Variants in NTSR2 observed in about 807,000 individuals in gnomAD.
NTSR2 encodes neurotensin receptor 2.
NTSR2 carries 22 observed loss-of-function variants against 24.1 expected under a neutral mutation model. The ratio of observed to expected loss-of-function variants is 0.91; its 90% CI spans 0.65 to 1.30. The LOEUF (loss-of-function observed/expected upper bound fraction) is 1.30, where lower values mean the gene tolerates loss of function less well. Among genes scored for constraint, NTSR2 ranks in the 50% most tolerant of loss-of-function variants. The pLI, the probability that NTSR2 is intolerant of heterozygous loss-of-function variation, is 0.00. For synonymous variants in NTSR2, 291 were observed against 267.0 expected, an observed-to-expected ratio of 1.09 and a Z score of -0.88; for missense variants, 570 against 570.4, an observed-to-expected ratio of 1.00 and a Z score of 0.01.
At chr2:11,661,617 C>T (rs185124727) in intron 2 of NTSR2, among the ~76,000 whole-genome samples, 2 of 152,264 alleles carry the variant, frequency 1.3e-5, no homozygotes, top group Non-Finnish European at 2.9e-5. Context: ...TTTAGGTACC[C>T]AGCCCATCTG....
intron 1 of NTSR2, among the ~76,000 whole-genome samples, chr2:11,666,168 C>T (rs1661194495): frequency 1.3e-5 from 2 of 152,248 alleles, no homozygotes; most frequent in Non-Finnish European, 2.9e-5. Flanking sequence ...GAAGATCTCC[C>T]AGGCAAAGAG....
chr2:11,667,135 C>A lies in NTSR2; in HGVS notation c.624+2371G>T, dbSNP rs147362566. On this transcript the variant is annotated intron_variant, in intron 1 of 3. Transcript: ENST00000306928. ...TTTCTGAGTCTGGGAAGAGCAGGAG[C>A]GAGAGGGGCTCCTGGGAGCCCTGAG... Among the ~76,000 whole-genome samples the A allele has an allele frequency of 3.3e-4, 51 of 152,286 alleles. 1 individual carries two copies. The highest frequency in any genetic ancestry group is 4.3e-4 in the African/African-American group (18 of 41,562).
Position 11,658,626 on chromosome 2 carries a change from G to C in NTSR2, c.1086C>G (p.Ser362=). Residue 362 remains serine, a synonymous_variant, in exon 4 of 4, where the codon TCC becomes TCG. Coordinates refer to ENST00000306928, the MANE Select transcript of NTSR2 (RefSeq NM_012344.4). ...AVTPLLYNAV[S]SSFRKLFLEA... ...CCAGGAAGAGTTTTCTGAAGGAGGAGGACACGGCGTTGTAGAGAAGAGGAG... is the reference window on the plus strand; with the variant it reads ...CCAGGAAGAGTTTTCTGAAGGAGGACGACACGGCGTTGTAGAGAAGAGGAG... The C allele has an allele frequency of 6.2e-7, 1 of 1,614,188 alleles. No individual in the cohort carries two copies. Among genetic ancestry groups the C allele is most frequent in the Non-Finnish European group, 8.5e-7 (1 of 1,180,050 alleles).
At chr2:11,659,764 C>G (rs1661029868) in intron 3 of NTSR2, among the ~76,000 whole-genome samples, 1 of 152,228 alleles carries the variant, frequency 6.6e-6, no homozygotes. Flanking sequence ...CCCGTGCTCC[C>G]TCTTCCCAGG....
intron 1 of NTSR2, 48 bp downstream of exon 1, chr2:11,669,458 C>CCGGGGGGGGGGGGGGGGCG: frequency 3.1e-6 from 1 of 323,366 alleles, no homozygotes; most frequent in East Asian, 4.3e-5. Context: ...CCTCCCAGCA[C>CCGGGGGGGGGGGGGGGGCG]CGCCCCCCCA....
intron 3 of NTSR2, 30 bp downstream of exon 3, chr2:11,660,013 T>C (rs765917917): frequency 1.3e-6 from 2 of 1,591,934 alleles, no homozygotes; most frequent in Non-Finnish European, 1.7e-6. Flanking sequence ...GCCCCCTCCC[T>C]GTGTGCTAGG....
At position 11,669,671 on chromosome 2, in the gene NTSR2, C is replaced by T. The variant is rs764778217; in HGVS notation, c.459G>A (p.Arg153=). 21 of 1,540,462 alleles carry T rather than the reference C, an allele frequency of 1.4e-5. No individual in the cohort carries two copies. The South Asian group carries it at 1.9e-4, about 14-fold the overall frequency. ...CGGCCCACGAGAGCGCCACCAGCCACCGGGTCCGGCGTGGCGTCAGCAGGC... is the reference window on the plus strand; with the variant it reads ...CGGCCCACGAGAGCGCCACCAGCCATCGGGTCCGGCGTGGCGTCAGCAGGC... ...ARSLLTPRRT[R]WLVALSWAAS... The change falls in exon 1 of 4, where the codon CGG becomes CGA. Residue 153 remains arginine, a synonymous_variant. Transcript: ENST00000306928.
At chr2:11,664,744 T>C (rs1413251196) in intron 1 of NTSR2, among the ~76,000 whole-genome samples, 1 of 152,192 alleles carries the variant, frequency 6.6e-6, no homozygotes, top group African/African-American at 2.4e-5. Flanking sequence ...AAAACTATAG[T>C]TTTTCGTACT....
chr2:11,658,390 G>C lies in NTSR2; in HGVS notation c.*89C>G. On this transcript the variant is annotated 3_prime_UTR_variant, in exon 4 of 4. Coordinates refer to ENST00000306928, the MANE Select transcript of NTSR2 (RefSeq NM_012344.4). Reference sequence around the variant, plus strand: ...AGAAGTCGCCCTGGCTGCGAAGCTTGAATGATTAGTGATGAGGTTGCTCAC... The same window carrying C: ...AGAAGTCGCCCTGGCTGCGAAGCTTCAATGATTAGTGATGAGGTTGCTCAC... 11 of 1,505,474 alleles carry C rather than the reference G, an allele frequency of 7.3e-6. No homozygotes were observed. Among genetic ancestry groups the C allele is most frequent in the Non-Finnish European group, 8.9e-6 (10 of 1,124,894 alleles). 93.3% of individuals were successfully genotyped at this position (1,505,474 alleles called of 1,614,324 possible).
chr2:11,661,881 G>C (rs1347266728), intron 2 of NTSR2, 86 bp downstream of exon 2: 5 of 1,307,982 alleles, frequency 3.8e-6, no homozygotes, highest in Admixed American at 2.4e-5. Context: ...GTAGTGACTT[G>C]CTGAGGTCAC....
chr2:11,659,495 T>C (rs1181763313), intron 3 of NTSR2, among the ~76,000 whole-genome samples: 2 of 152,258 alleles, frequency 1.3e-5, no homozygotes, highest in Non-Finnish European at 2.9e-5. Context: ...ATCTGTCACA[T>C]GGCTCTTTCT....
intron 1 of NTSR2, among the ~76,000 whole-genome samples, chr2:11,662,642 G>A (rs1256266980): frequency 2.0e-5 from 3 of 152,274 alleles, no homozygotes; most frequent in Admixed American, 6.5e-5. Flanking sequence ...TTAGCTGGGC[G>A]TGGTAGCGGG....
chr2:11,661,295 C>T (rs762385227), intron 2 of NTSR2, among the ~76,000 whole-genome samples: 4 of 152,232 alleles, frequency 2.6e-5, no homozygotes, highest in Admixed American at 6.5e-5. Context: ...GACTGACCAT[C>T]GTCCCTAAAA....
intron 1 of NTSR2, among the ~76,000 whole-genome samples, chr2:11,668,033 C>T (rs184638230): frequency 1.3e-5 from 2 of 152,312 alleles, no homozygotes; most frequent in Admixed American, 6.5e-5. Flanking sequence ...TCGGTGGCCT[C>T]TGTGGATTCC....
At chr2:11,662,751 A>G (rs1427830556) in intron 1 of NTSR2, among the ~76,000 whole-genome samples, 2 of 152,170 alleles carry the variant, frequency 1.3e-5, no homozygotes, top group East Asian at 3.9e-4. Flanking sequence ...ACTGCACTCC[A>G]GCCTGGGCAA....
rs375723872 is a variant in NTSR2 at position 11,660,157 on chromosome 2, G to C, written c.899-24C>G. ...TCCTGCAGAGCATTGGAAAGGGAGA[G>C]ACAGCGCCAGGAGAAAGCAAACACA... On this transcript the variant is annotated intron_variant, in intron 2 of 3. Transcript: ENST00000306928. The C allele has an allele frequency of 9.5e-6, 15 of 1,584,022 alleles. No homozygotes were observed. The African/African-American group carries it at 2.0e-4, about 21-fold the overall frequency.
Position 11,658,384 on chromosome 2 carries a change from A to G in NTSR2, c.*95T>C. The G allele has an allele frequency of 6.7e-7, 1 of 1,501,180 alleles. No individual in the cohort carries two copies. Among genetic ancestry groups the G allele is most frequent in the East Asian group, 2.3e-5 (1 of 44,016 alleles). 93.0% of individuals were successfully genotyped at this position (1,501,180 alleles called of 1,614,324 possible). ...GTTGATAGAAGTCGCCCTGGCTGCG[A>G]AGCTTGAATGATTAGTGATGAGGTT... On this transcript the variant is annotated 3_prime_UTR_variant, in exon 4 of 4. Transcript: ENST00000306928.
rs1238339604 is a variant in NTSR2 at position 11,669,947 on chromosome 2, C to A, written c.183G>T (p.Arg61=). Residue 61 remains arginine, a synonymous_variant, in exon 1 of 4, where the codon CGG becomes CGT. Coordinates refer to ENST00000306928, the MANE Select transcript of NTSR2 (RefSeq NM_012344.4). Reference sequence around the variant, plus strand: ...GGCGCAGGCGCCCCGCGCGCCCGGCCCGCGCCTTCAGCACCACGTGCGCGG... The same window carrying A: ...GGCGCAGGCGCCCCGCGCGCCCGGCACGCGCCTTCAGCACCACGTGCGCGG... ...ALSAHVVLKA[R]AGRAGRLRHH... is the part of the protein sequence containing the mutation. The A allele has an allele frequency of 1.3e-6, 2 of 1,513,206 alleles. No homozygotes were observed. The highest frequency in any genetic ancestry group is 8.8e-7 in the Non-Finnish European group (1 of 1,137,550). 93.7% of individuals were successfully genotyped at this position (1,513,206 alleles called of 1,614,324 possible). A position where few individuals can be genotyped will look rare whatever the true frequency, so the allele number is the denominator to read the frequency against.
intron 1 of NTSR2, among the ~76,000 whole-genome samples, chr2:11,666,483 G>A (rs1661202762): frequency 1.3e-5 from 2 of 151,974 alleles, no homozygotes; most frequent in African/African-American, 2.4e-5. Context: ...GGTGGATCAC[G>A]AGGTCAGGAG....
Sources: allele counts gnomAD v4.1 joint callset (sites outside exome capture counted in the v4.1 genomes callset), GRCh38; gene constraint gnomAD v4.1.1; transcripts MANE v1.5; gene names NCBI Gene and HGNC (gene_info 2026-07-23, HGNC 2026-07-21).